MYMX: variants seen among roughly 807,000 people sequenced by gnomAD.
MYMX encodes protein myomixer.
chr6:44,214,385 T>C (rs1304523506), upstream of MYMX, among the ~76,000 whole-genome samples: 2 of 152,132 alleles, frequency 1.3e-5, no homozygotes, highest in African/African-American at 4.8e-5. Context: ...CCAGGGTAAC[T>C]AGAAAGATAT....
At chr6:44,199,982 G>A in the MYMX span, among the ~76,000 whole-genome samples, 1,230 of 152,226 alleles carry the variant, frequency 8.1e-3, 17 homozygotes, top group African/African-American at 0.029. Context: ...ACCGTGCCCG[G>A]TCAGAACTAA....
the MYMX span, among the ~76,000 whole-genome samples, chr6:44,203,262 CTG>C: frequency 6.6e-6 from 1 of 152,090 alleles, no homozygotes; most frequent in Non-Finnish European, 1.5e-5. Context: ...TGCACAGACT[CTG>C]GGGCAAGCAA....
the MYMX span, among the ~76,000 whole-genome samples, chr6:44,208,992 C>A: frequency 1.2e-4 from 19 of 152,332 alleles, no homozygotes; most frequent in South Asian, 6.2e-4. Flanking sequence ...GAGACAGGGT[C>A]TTGCTCTGTC....
At chr6:44,202,963 A>C in the MYMX span, among the ~76,000 whole-genome samples, 1 of 152,170 alleles carries the variant, frequency 6.6e-6, no homozygotes, top group Non-Finnish European at 1.5e-5. Context: ...TCTGGGCCTT[A>C]CCCCAGGGTC....
chr6:44,216,258 GTTCCAGTTACTCC>G (rs1279314516), upstream of MYMX, among the ~76,000 whole-genome samples: 4 of 152,210 alleles, frequency 2.6e-5, no homozygotes, highest in African/African-American at 9.6e-5. Flanking sequence ...ATATTGTCCT[GTTCCAGTTACTCC>G]TTCCAGTTAC....
chr6:44,212,873 A>C (rs1775669235), upstream of MYMX, among the ~76,000 whole-genome samples: 1 of 151,580 alleles, frequency 6.6e-6, no homozygotes, highest in Non-Finnish European at 1.5e-5. Context: ...AAAAAAAAAA[A>C]AAACAAAACT....
At chr6:44,194,719 G>A in the MYMX span, among the ~76,000 whole-genome samples, 4 of 152,140 alleles carry the variant, frequency 2.6e-5, no homozygotes, top group Non-Finnish European at 4.4e-5. Context: ...TGCCAGCACC[G>A]CACTCCCTAA....
chr6:44,214,069 G>A (rs1383399010), upstream of MYMX, among the ~76,000 whole-genome samples: 1 of 152,110 alleles, frequency 6.6e-6, no homozygotes, highest in Non-Finnish European at 1.5e-5. Flanking sequence ...CAGAACCTTT[G>A]GCTTTAACTC....
the MYMX span, among the ~76,000 whole-genome samples, chr6:44,199,944 T>A: frequency 2.6e-5 from 4 of 152,116 alleles, no homozygotes; most frequent in Admixed American, 1.3e-4. Context: ...CTTGGCCTCC[T>A]AAAGTGTTGG....
upstream of MYMX, among the ~76,000 whole-genome samples, chr6:44,215,910 T>A (rs929912419): frequency 1.3e-5 from 2 of 151,902 alleles, no homozygotes; most frequent in Non-Finnish European, 2.9e-5. Context: ...ATAATAATAA[T>A]AAATAAATAA....
At chr6:44,197,698 A>G in the MYMX span, among the ~76,000 whole-genome samples, 1 of 152,170 alleles carries the variant, frequency 6.6e-6, no homozygotes, top group East Asian at 1.9e-4. Flanking sequence ...ATGTTTCAGG[A>G]GATTGCCACC....
At chr6:44,208,605 A>T in the MYMX span, among the ~76,000 whole-genome samples, 1 of 152,130 alleles carries the variant, frequency 6.6e-6, no homozygotes, top group Non-Finnish European at 1.5e-5. Flanking sequence ...GCTTCCCCAG[A>T]AAATTCCTTA....
At chr6:44,194,550 T>C in the MYMX span, among the ~76,000 whole-genome samples, 405 of 152,178 alleles carry the variant, frequency 2.7e-3, 1 homozygote, top group Middle Eastern at 0.017. Flanking sequence ...CAGCCTCACC[T>C]CCAGCAGGAT....
upstream of MYMX, among the ~76,000 whole-genome samples, chr6:44,212,876 AC>A (rs1205483622): frequency 1.3e-5 from 2 of 151,302 alleles, no homozygotes; most frequent in African/African-American, 2.4e-5. Context: ...AAAAAAAAAA[AC>A]AAAACTTGAC....
At chr6:44,208,191 G>A in the MYMX span, among the ~76,000 whole-genome samples, 4 of 150,302 alleles carry the variant, frequency 2.7e-5, no homozygotes, top group African/African-American at 9.8e-5. Flanking sequence ...AGGGTGCAGT[G>A]AGCTTTGATC....
upstream of MYMX, among the ~76,000 whole-genome samples, chr6:44,216,769 T>C (rs1025789542): frequency 1.3e-5 from 2 of 151,764 alleles, no homozygotes; most frequent in African/African-American, 4.8e-5. Context: ...GACTGGGAAG[T>C]GGGGGCCAGC....
the MYMX span, among the ~76,000 whole-genome samples, chr6:44,199,004 T>C: frequency 6.6e-6 from 1 of 152,156 alleles, no homozygotes; most frequent in Non-Finnish European, 1.5e-5. Flanking sequence ...TTTCTGACCA[T>C]TTTTGTCCCT....
At chr6:44,208,773 A>T in the MYMX span, among the ~76,000 whole-genome samples, 1 of 152,058 alleles carries the variant, frequency 6.6e-6, no homozygotes, top group Non-Finnish European at 1.5e-5. Context: ...CATTGCCAGA[A>T]CTCTGCAGTC....
the MYMX span, among the ~76,000 whole-genome samples, chr6:44,208,407 T>C: frequency 2.0e-5 from 3 of 152,102 alleles, no homozygotes; most frequent in Admixed American, 1.3e-4. Context: ...AGAAATCAGT[T>C]AGAACTAAGT....
Sources: allele counts gnomAD v4.1 joint callset (sites outside exome capture counted in the v4.1 genomes callset), GRCh38; gene constraint gnomAD v4.1.1; transcripts MANE v1.5; gene names NCBI Gene and HGNC (gene_info 2026-07-23, HGNC 2026-07-21).